Variants in CACNA2D1 observed in about 807,000 individuals in gnomAD.
CACNA2D1 encodes the protein voltage-dependent calcium channel subunit alpha-2/delta-1.
CACNA2D1 carries 53 observed loss-of-function variants against 171.5 expected under a neutral mutation model. The ratio of observed to expected loss-of-function variants is 0.31; its 90% CI spans 0.25 to 0.39. The LOEUF (loss-of-function observed/expected upper bound fraction) is 0.39. Ranked by LOEUF, CACNA2D1 falls within the 10% of genes least tolerant of loss-of-function variation. The pLI is 1.00. For missense variants in CACNA2D1, 903 were observed against 1,299.8 expected, an observed-to-expected ratio of 0.69 and a Z score of 4.69; for synonymous variants, 442 against 443.1, an observed-to-expected ratio of 1.00 and a Z score of 0.03.
intron 24 of CACNA2D1, among the ~76,000 whole-genome samples, chr7:81,980,213 A>G (rs1796316099): frequency 7.3e-6 from 1 of 137,798 alleles, no homozygotes; most frequent in South Asian, 2.5e-4. Context: ...AAGTGCATTT[A>G]GGAACTGAAA....
intron 32 of CACNA2D1, 135 bp from the exon 33 acceptor site, chr7:81,964,494 A>C: frequency 1.5e-6 from 1 of 678,738 alleles, no homozygotes; most frequent in Non-Finnish European, 2.5e-6. Flanking sequence ...AAACAAAAGC[A>C]AATGAGAAAC....
chr7:82,269,951 A>G (rs1261044411), intron 3 of CACNA2D1, among the ~76,000 whole-genome samples: 1 of 152,148 alleles, frequency 6.6e-6, no homozygotes, highest in African/African-American at 2.4e-5. Flanking sequence ...ATGTTTTTCT[A>G]TGTTGTAACA....
At chr7:82,437,632 T>G (rs1206746629) in intron 1 of CACNA2D1, among the ~76,000 whole-genome samples, 1 of 152,166 alleles carries the variant, frequency 6.6e-6, no homozygotes, top group Non-Finnish European at 1.5e-5. Flanking sequence ...TGAAATTAAC[T>G]ATAAAAAGTG....
intron 1 of CACNA2D1, among the ~76,000 whole-genome samples, chr7:82,383,445 A>T (rs1585741336): frequency 6.6e-6 from 1 of 152,304 alleles, no homozygotes; most frequent in Non-Finnish European, 1.5e-5. Flanking sequence ...CATAGAAAGT[A>T]GGAAGAAGAT....
At chr7:82,235,537 G>C in intron 3 of CACNA2D1, among the ~76,000 whole-genome samples, 1 of 152,014 alleles carries the variant, frequency 6.6e-6, no homozygotes, top group East Asian at 1.9e-4. Context: ...TTTAAATTTT[G>C]TTATACCAAG....
At chr7:82,042,628 T>C (rs984961664) in intron 10 of CACNA2D1, among the ~76,000 whole-genome samples, 1 of 152,146 alleles carries the variant, frequency 6.6e-6, no homozygotes. Context: ...TGTGTTAACA[T>C]GGGCATCTGG....
intron 3 of CACNA2D1, among the ~76,000 whole-genome samples, chr7:82,189,590 G>T (rs1228045833): frequency 6.6e-6 from 1 of 151,756 alleles, no homozygotes; most frequent in Non-Finnish European, 1.5e-5. Context: ...TTTGGCAAAG[G>T]TTAAAAACAA....
At chr7:82,409,289 A>G (rs1439281246) in intron 1 of CACNA2D1, among the ~76,000 whole-genome samples, 1 of 152,144 alleles carries the variant, frequency 6.6e-6, no homozygotes, top group Non-Finnish European at 1.5e-5. Context: ...ACATTTTAAA[A>G]TGTTTTTTCT....
At position 82,220,926 on chromosome 7, in the gene CACNA2D1, G is replaced by A. The variant is rs570834726; in HGVS notation, c.295-50317C>T. On this transcript the variant is annotated intron_variant, in intron 3 of 38. Coordinates refer to ENST00000356860, the MANE Select transcript of CACNA2D1 (RefSeq NM_000722.4). ...CCAGAGTAGCTGGGACTATAGGCGCGTGCCACCATGCCCGGCTATTTGTAT... is the reference window on the plus strand; with the variant it reads ...CCAGAGTAGCTGGGACTATAGGCGCATGCCACCATGCCCGGCTATTTGTAT... 1.4e-3 allele frequency among the ~76,000 whole-genome samples: 219 copies of A among 151,972 alleles called. 2 individuals carry two copies. Among genetic ancestry groups the A allele is most frequent in the African/African-American group, 5.0e-3 (208 of 41,470 alleles).
intron 1 of CACNA2D1, among the ~76,000 whole-genome samples, chr7:82,443,115 G>A (rs1033810630): frequency 6.6e-6 from 1 of 152,134 alleles, no homozygotes; most frequent in Non-Finnish European, 1.5e-5. Flanking sequence ...GTCGTCGGCG[G>A]GCGCTTCCCG....
intron 24 of CACNA2D1, among the ~76,000 whole-genome samples, chr7:81,976,235 T>A (rs905021356): frequency 2.6e-5 from 4 of 152,158 alleles, no homozygotes; most frequent in Non-Finnish European, 4.4e-5. Context: ...ATATGGGCTC[T>A]TTTTTGGTTC....
At chr7:82,114,128 AAATT>A (rs1444429930) in intron 6 of CACNA2D1, among the ~76,000 whole-genome samples, 10 of 147,638 alleles carry the variant, frequency 6.8e-5, no homozygotes, top group African/African-American at 2.7e-4. Flanking sequence ...TTGTTTACAC[AAATT>A]AATTTGTGTA....
In CACNA2D1 at chr7:82,400,019, C is replaced by T. The variant is rs554047372; in HGVS notation, c.95+43346G>A. ...ATAAGATCAGATAGTTGTAGATATGCGGCGTTATTTCTGAGGGCTCTGTTC... is the reference window on the plus strand; with the variant it reads ...ATAAGATCAGATAGTTGTAGATATGTGGCGTTATTTCTGAGGGCTCTGTTC... On this transcript the variant is annotated intron_variant, in intron 1 of 38. Transcript: ENST00000356860. Among the ~76,000 whole-genome samples the T allele has an allele frequency of 9.1e-4, 138 of 151,718 alleles. 2 individuals carry two copies. The South Asian group carries it at 0.026, about 29-fold the overall frequency.
In CACNA2D1 at chr7:81,967,052, T is replaced by C. The variant is rs1328808651; in HGVS notation, c.2502+117A>G. ...ATGAATATATTATTTCACATTTCCATAGAATTTTTTAGCCTTTGATTAAAA... is the reference window on the plus strand; with the variant it reads ...ATGAATATATTATTTCACATTTCCACAGAATTTTTTAGCCTTTGATTAAAA... On this transcript the variant is annotated intron_variant, in intron 31 of 38. Transcript: ENST00000356860. The C allele has an allele frequency of 4.4e-6, 3 of 689,190 alleles. No individual in the cohort carries two copies. In the African/African-American group the frequency reaches 5.5e-5, roughly 13 times the overall value. 42.7% of individuals were successfully genotyped at this position (689,190 alleles called of 1,614,324 possible).
intron 6 of CACNA2D1, among the ~76,000 whole-genome samples, chr7:82,091,680 G>A (rs1031285865): frequency 6.6e-6 from 1 of 152,196 alleles, no homozygotes; most frequent in African/African-American, 2.4e-5. Context: ...GAGAAGGGCT[G>A]TATTTTGTAT....
chr7:82,291,162 CG>C (rs1811493485), intron 3 of CACNA2D1, among the ~76,000 whole-genome samples: 1 of 118,376 alleles, frequency 8.4e-6, no homozygotes, highest in African/African-American at 4.3e-5. Flanking sequence ...AATTCTATAT[CG>C]ATATAGAATT....
intron 12 of CACNA2D1, among the ~76,000 whole-genome samples, chr7:82,022,563 C>T (rs1801360945): frequency 6.6e-6 from 1 of 151,818 alleles, no homozygotes; most frequent in East Asian, 1.9e-4. Flanking sequence ...CAAGCAGAGA[C>T]ATTAGATATG....
chr7:82,066,462 T>G lies in CACNA2D1; in HGVS notation c.721A>C (p.Arg241=), dbSNP rs1554387102. The G allele has an allele frequency of 1.2e-6, 2 of 1,611,602 alleles. No individual in the cohort carries two copies. Among genetic ancestry groups the G allele is most frequent in the Non-Finnish European group, 1.7e-6 (2 of 1,178,954 alleles). The change falls in exon 8 of 39, where the codon AGA becomes CGA. Residue 241 remains arginine (R), a synonymous_variant. Coordinates refer to ENST00000356860, the MANE Select transcript of CACNA2D1 (RefSeq NM_000722.4). ...CTAGCTAAAAATTCTTACCATGGTC[T>G]TCTGCGTACATCATAAAGGTCAATC... ...NKIDLYDVRR[R]PWYIQGAASP...
Position 81,962,715 on chromosome 7 carries a change from A to C in CACNA2D1, c.2781-220T>G, listed in dbSNP as rs755270211. ...AAGTGTTCAGATCTTGTTCAGGATC[A>C]AGTGGGACACAATGTGTGAAGAAAC... On this transcript the variant is annotated intron_variant, in intron 34 of 38. Transcript: ENST00000356860. Among the ~76,000 whole-genome samples, 223 of 152,110 alleles carry C rather than the reference A, an allele frequency of 1.5e-3. 5 individuals carry two copies. In the Middle Eastern group the frequency reaches 0.031, roughly 21 times the overall value.
Sources: allele counts gnomAD v4.1 joint callset (sites outside exome capture counted in the v4.1 genomes callset), GRCh38; gene constraint gnomAD v4.1.1; transcripts MANE v1.5; gene names NCBI Gene and HGNC (gene_info 2026-07-23, HGNC 2026-07-21).